KCNMA1: variants seen among roughly 807,000 people sequenced by gnomAD.
KCNMA1 encodes Calcium-activated potassium channel subunit alpha-1.
In KCNMA1, 29 loss-of-function variants were observed where a neutral mutation model predicts 140.0. The observed-to-expected ratio is 0.21, with a 90% CI of 0.15 to 0.28. The LOEUF is 0.28. Among genes scored for constraint, KCNMA1 ranks in the 10% least tolerant of loss-of-function variants. KCNMA1 has a pLI of 1.00. For missense variants in KCNMA1, 880 were observed against 1,602.2 expected, an observed-to-expected ratio of 0.55 and a Z score of 7.70; for synonymous variants, 612 against 611.9, an observed-to-expected ratio of 1.00 and a Z score of 0.00.
chr10:77,011,552 C>T (rs1459153067), intron 18 of KCNMA1, among the ~76,000 whole-genome samples: 2 of 152,156 alleles, frequency 1.3e-5, no homozygotes, highest in Non-Finnish European at 2.9e-5. Flanking sequence ...TTTTGGAGAC[C>T]AAGTCCTCAG....
intron 5 of KCNMA1, chr10:77,147,694 C>G (rs143069191): frequency 1.3e-5 from 2 of 152,334 alleles, no homozygotes; most frequent in African/African-American, 4.8e-5. Flanking sequence ...ATAATCCTCC[C>G]TTATCCCACT....
intron 1 of KCNMA1, among the ~76,000 whole-genome samples, chr10:77,498,324 A>G (rs1224014489): frequency 1.3e-5 from 2 of 152,210 alleles, no homozygotes; most frequent in Admixed American, 1.3e-4. Flanking sequence ...AGCAGCTCTG[A>G]GAAGCCCTGG....
At chr10:77,006,369 G>A (rs2088643449) in intron 18 of KCNMA1, among the ~76,000 whole-genome samples, 1 of 152,124 alleles carries the variant, frequency 6.6e-6, no homozygotes, top group Non-Finnish European at 1.5e-5. Flanking sequence ...AAATGAAGGA[G>A]GGATTATTTC....
rs1196371060 is a variant in KCNMA1, at chr10:76,919,982, T to TTGTGTGTG, written c.2903-4941_2903-4934dup. Reference sequence around the variant, plus strand: ...AATACTAATGAGAAGGCAATGAGCATTGTGTGTGTGTGTGTGTGTGTGTGT... The same window carrying TTGTGTGTG: ...AATACTAATGAGAAGGCAATGAGCATTGTGTGTGTGTGTGTGTGTGTGTGTGTGTGTGT... On this transcript the variant is annotated intron_variant, in intron 23 of 27. Coordinates refer to ENST00000286628, the MANE Select transcript of KCNMA1 (RefSeq NM_001161352.2). Among the ~76,000 whole-genome samples the TTGTGTGTG allele has an allele frequency of 4.3e-4, 33 of 77,596 alleles. 1 individual carries two copies. The highest frequency in any genetic ancestry group is 1.7e-3 in the East Asian group (3 of 1,816). The allele number at this position is 77,596 out of a possible 152,430, so 50.9% of individuals were successfully genotyped here. A position where few individuals can be genotyped will look rare whatever the true frequency, so the allele number is the denominator to read the frequency against.
At chr10:77,224,827 C>T (rs1383145662) in intron 3 of KCNMA1, among the ~76,000 whole-genome samples, 1 of 152,202 alleles carries the variant, frequency 6.6e-6, no homozygotes, top group African/African-American at 2.4e-5. Context: ...ACCCATCTCA[C>T]AGACTTGGGT....
intron 2 of KCNMA1, among the ~76,000 whole-genome samples, chr10:77,398,060 ATGTGTG>A (rs71028275): frequency 6.7e-6 from 1 of 148,490 alleles, no homozygotes; most frequent in East Asian, 2.0e-4. Flanking sequence ...ATATGTGTGT[ATGTGTG>A]TGTGTGTGTG....
At chr10:77,526,067 T>G (rs978273368) in intron 1 of KCNMA1, among the ~76,000 whole-genome samples, 2 of 152,188 alleles carry the variant, frequency 1.3e-5, no homozygotes, top group Admixed American at 6.5e-5. Flanking sequence ...CTCTGGACAT[T>G]GCCATGTCCA....
chr10:77,573,632 GGAATGGAATGGAATAGAATA>G (rs749465332), intron 1 of KCNMA1, among the ~76,000 whole-genome samples: 2,533 of 90,492 alleles, frequency 0.028, 23 homozygotes, highest in Non-Finnish European at 0.034. Context: ...GGAATGGAAT[GGAATGGAATGGAATAGAATA>G]GAATAGAATA....
intron 1 of KCNMA1, among the ~76,000 whole-genome samples, chr10:77,464,596 C>T (rs902069978): frequency 6.6e-6 from 1 of 152,174 alleles, no homozygotes; most frequent in South Asian, 2.1e-4. Flanking sequence ...AATATCACTA[C>T]TGCACTTGAG....
chr10:77,603,717 AACCCAGCCCCC>A (rs965777037), intron 1 of KCNMA1, among the ~76,000 whole-genome samples: 2 of 152,022 alleles, frequency 1.3e-5, no homozygotes, highest in African/African-American at 4.8e-5. Flanking sequence ...CACACCCCAC[AACCCAGCCCCC>A]AGGGCTGCCC....
At chr10:77,508,174 T>A (rs1324283929) in intron 1 of KCNMA1, among the ~76,000 whole-genome samples, 1 of 152,162 alleles carries the variant, frequency 6.6e-6, no homozygotes, top group East Asian at 1.9e-4. Context: ...GCTGCTTTCA[T>A]TTTTATTTGA....
intron 25 of KCNMA1, among the ~76,000 whole-genome samples, chr10:76,893,520 G>C (rs1347194533): frequency 6.6e-6 from 1 of 152,078 alleles, no homozygotes; most frequent in African/African-American, 2.4e-5. Flanking sequence ...TTTGAGGTCA[G>C]GAGTGAGGTC....
At chr10:77,086,713 A>G in intron 10 of KCNMA1, 120 bp from the exon 11 acceptor site, 4 of 737,340 alleles carry the variant, frequency 5.4e-6, no homozygotes, top group Non-Finnish European at 9.6e-6. Flanking sequence ...ACCTACAGTC[A>G]CCCTTTTGCT....
chr10:77,175,091 A>G (rs950738248), intron 5 of KCNMA1, among the ~76,000 whole-genome samples: 3 of 152,116 alleles, frequency 2.0e-5, no homozygotes, highest in Non-Finnish European at 2.9e-5. Context: ...TGCTGGCTCC[A>G]ACTCGCGGTT....
intron 2 of KCNMA1, among the ~76,000 whole-genome samples, chr10:77,363,029 G>A (rs1171946666): frequency 1.3e-5 from 2 of 152,208 alleles, no homozygotes; most frequent in Admixed American, 6.5e-5. Context: ...AGCCAAGATC[G>A]TTAGCCCTCC....
intron 2 of KCNMA1, among the ~76,000 whole-genome samples, chr10:77,383,030 T>TATATATATA (rs1566451029): frequency 9.7e-5 from 10 of 102,984 alleles, no homozygotes; most frequent in African/African-American, 3.6e-4. Context: ...ATATATATAT[T>TATATATATA]CCAAGTGGAG....
chr10:77,486,111 T>A (rs2098457540), intron 1 of KCNMA1, among the ~76,000 whole-genome samples: 1 of 152,054 alleles, frequency 6.6e-6, no homozygotes, highest in African/African-American at 2.4e-5. Flanking sequence ...AAGTCAAATG[T>A]CAATACCAGG....
Position 76,884,892 on chromosome 10 carries a change from CT to C in KCNMA1, c.*2373del, listed in dbSNP as rs552322812. ...AATAACAGAATAAAATTTGTAACTC[CT>C]TTTTTTTTAATTTCACAAAAGTTTT... On this transcript the variant is annotated 3_prime_UTR_variant, in exon 28 of 28. Coordinates refer to ENST00000286628, the MANE Select transcript of KCNMA1 (RefSeq NM_001161352.2). The C allele has an allele frequency of 9.1e-4, 1,257 of 1,375,246 alleles. No individual in the cohort carries two copies. The highest frequency in any genetic ancestry group is 2.9e-3 in the South Asian group (170 of 58,302). 85.2% of individuals were successfully genotyped at this position (1,375,246 alleles called of 1,614,324 possible). A position where few individuals can be genotyped will look rare whatever the true frequency, so the allele number is the denominator to read the frequency against.
intron 3 of KCNMA1, among the ~76,000 whole-genome samples, chr10:77,192,729 C>T (rs1389505764): frequency 6.6e-6 from 1 of 152,112 alleles, no homozygotes; most frequent in African/African-American, 2.4e-5. Context: ...CCCCAAAAGG[C>T]AATCATTCAA....
Sources: allele counts gnomAD v4.1 joint callset (sites outside exome capture counted in the v4.1 genomes callset), GRCh38; gene constraint gnomAD v4.1.1; transcripts MANE v1.5; gene names NCBI Gene and HGNC (gene_info 2026-07-23, HGNC 2026-07-21).